The following CACNA1D variants were observed in gnomAD, a reference collection of about 807,000 sequenced individuals.
The protein encoded by CACNA1D is voltage-dependent L-type calcium channel subunit alpha-1D.
CACNA1D carries 55 observed loss-of-function variants against 257.1 expected under a neutral mutation model. That is an observed-to-expected ratio of 0.21 (90% CI 0.17 to 0.27). The LOEUF is 0.27. Among genes scored for constraint, CACNA1D ranks in the 10% least tolerant of loss-of-function variants. CACNA1D has a pLI of 1.00. For synonymous variants in CACNA1D, 980 were observed against 1,014.9 expected (o/e 0.97, Z 0.65); for missense variants, 1,876 against 2,784.0 (o/e 0.67, Z 7.34).
chr3:53,590,590 T>C (rs182868742), intron 3 of CACNA1D, among the ~76,000 whole-genome samples: 6 of 152,368 alleles, frequency 3.9e-5, no homozygotes, highest in African/African-American at 1.2e-4. Context: ...GTCCTAGTTT[T>C]TGGTTCACAA....
At position 53,655,548 on chromosome 3, in the gene CACNA1D, C is replaced by T. The variant is rs971572262; in HGVS notation, c.624-4585C>T. Among the ~76,000 whole-genome samples, 4 of 152,224 alleles carry T rather than the reference C, an allele frequency of 2.6e-5. No homozygotes were observed. The East Asian group carries it at 7.7e-4, about 29-fold the overall frequency. ...AATGGTATCTCGTGGTTTTGATTTG[C>T]ACTTCTCTAACGATCAGTAATATGA... On this transcript the variant is annotated intron_variant, in intron 4 of 47. Coordinates refer to ENST00000350061, the MANE Select transcript of CACNA1D (RefSeq NM_001128840.3).
At chr3:53,531,172 A>T (rs761934001) in intron 3 of CACNA1D, among the ~76,000 whole-genome samples, 9 of 152,056 alleles carry the variant, frequency 5.9e-5, no homozygotes, top group Non-Finnish European at 2.9e-5. Flanking sequence ...TTTTGTAGAC[A>T]TATCAAGTCT....
intron 8 of CACNA1D, among the ~76,000 whole-genome samples, chr3:53,688,220 C>G (rs896136617): frequency 1.3e-5 from 2 of 152,226 alleles, no homozygotes; most frequent in African/African-American, 2.4e-5. Flanking sequence ...GAGGTCCGCC[C>G]AGCTGGGGTG....
rs773683728 is a variant in CACNA1D at position 53,802,143 on chromosome 3, A to G, written c.5409-4A>G. On this transcript the variant is annotated splice_polypyrimidine_tract_variant and splice_region_variant and intron_variant, in intron 42 of 47. Coordinates refer to ENST00000350061, the MANE Select transcript of CACNA1D (RefSeq NM_001128840.3). ...CCTTCCCATGTTATGCCTTTCCTGG[A>G]TAGAACCCGCTATTATGAAACTTAC... 18 of 1,607,072 alleles carry G rather than the reference A, an allele frequency of 1.1e-5. No individual in the cohort carries two copies. The Admixed American group carries it at 3.0e-4, about 27-fold the overall frequency.
At position 53,723,424 on chromosome 3, in the gene CACNA1D, G is replaced by C; in HGVS notation, c.1667-10G>C. The C allele has an allele frequency of 6.2e-7, 1 of 1,611,522 alleles. No homozygotes were observed. Among genetic ancestry groups the C allele is most frequent in the Non-Finnish European group, 8.5e-7 (1 of 1,177,592 alleles). On this transcript the variant is annotated splice_polypyrimidine_tract_variant and intron_variant, in intron 12 of 47. Transcript: ENST00000350061. The surrounding 1 kb of genome is among the most constrained non-coding windows in gnomAD (Gnocchi z 5.6). ...AGACCCTGAGGATGGGTGCCCCTTT[G>C]TCTTTCCAGATATTGCCAACAAAGT...
At chr3:53,573,538 C>T (rs890582265) in intron 3 of CACNA1D, among the ~76,000 whole-genome samples, 2 of 152,172 alleles carry the variant, frequency 1.3e-5, no homozygotes, top group Admixed American at 6.5e-5. Context: ...TGCACCTGCC[C>T]CTGACACTCC....
chr3:53,600,388 G>A (rs2093426400), intron 3 of CACNA1D, among the ~76,000 whole-genome samples: 1 of 152,122 alleles, frequency 6.6e-6, no homozygotes, highest in Non-Finnish European at 1.5e-5. Flanking sequence ...TGGTATTTGG[G>A]CTGTCATTAG....
intron 37 of CACNA1D, among the ~76,000 whole-genome samples, chr3:53,778,004 C>T (rs952688808): frequency 6.6e-5 from 10 of 152,192 alleles, no homozygotes; most frequent in Admixed American, 6.5e-4. Flanking sequence ...TTTTACCACT[C>T]CAGGATGCTG....
chr3:53,547,482 T>G (rs1326081054), intron 3 of CACNA1D, among the ~76,000 whole-genome samples: 1 of 152,262 alleles, frequency 6.6e-6, no homozygotes, highest in Non-Finnish European at 1.5e-5. Flanking sequence ...TCCCCTCATC[T>G]TGGGCTTTGT....
intron 10 of CACNA1D, among the ~76,000 whole-genome samples, chr3:53,719,191 AG>A (rs1394968502): frequency 6.6e-6 from 1 of 152,210 alleles, no homozygotes; most frequent in Admixed American, 6.5e-5. Context: ...CTCTTGGCAG[AG>A]TTTCATAAAA....
chr3:53,670,967 G>C (rs2094317474), intron 7 of CACNA1D, among the ~76,000 whole-genome samples: 1 of 152,300 alleles, frequency 6.6e-6, no homozygotes, highest in South Asian at 2.1e-4. Context: ...ACCGTTCTCA[G>C]AGCCGAAGCT....
At chr3:53,603,374 C>A (rs1013781183) in intron 3 of CACNA1D, among the ~76,000 whole-genome samples, 31 of 152,168 alleles carry the variant, frequency 2.0e-4, no homozygotes, top group African/African-American at 6.5e-4. Flanking sequence ...TTACCTTGGG[C>A]AAGTTTTGTA....
intron 3 of CACNA1D, among the ~76,000 whole-genome samples, chr3:53,540,404 G>A (rs2092266388): frequency 6.6e-6 from 1 of 151,976 alleles, no homozygotes; most frequent in African/African-American, 2.4e-5. Context: ...GGGATTACAG[G>A]CGTGAGCCAC....
chr3:53,540,292 T>G (rs2092263086), intron 3 of CACNA1D, among the ~76,000 whole-genome samples: 1 of 151,610 alleles, frequency 6.6e-6, no homozygotes, highest in East Asian at 1.9e-4. Context: ...CTAATTTTTT[T>G]TTTTTTTTCT....
At chr3:53,646,481 T>G (rs1274277172) in intron 3 of CACNA1D, among the ~76,000 whole-genome samples, 7 of 152,204 alleles carry the variant, frequency 4.6e-5, no homozygotes, top group Admixed American at 2.0e-4. Flanking sequence ...TTCCTTTCGG[T>G]TTTTTTCTTC....
chr3:53,730,333 G>C (rs1015582737), intron 15 of CACNA1D, 109 bp from the exon 16 acceptor site: 1 of 752,118 alleles, frequency 1.3e-6, no homozygotes, highest in Non-Finnish European at 2.4e-6. Context: ...CACTTGGGAC[G>C]GTCACTTACT....
chr3:53,518,651 T>G (rs1246225857), intron 3 of CACNA1D, among the ~76,000 whole-genome samples: 1 of 152,236 alleles, frequency 6.6e-6, no homozygotes, highest in Non-Finnish European at 1.5e-5. Flanking sequence ...CCTTTGCTTC[T>G]GGCTAAAAAT....
chr3:53,569,173 A>G (rs1197185475), intron 3 of CACNA1D, among the ~76,000 whole-genome samples: 1 of 151,980 alleles, frequency 6.6e-6, no homozygotes, highest in Non-Finnish European at 1.5e-5. Flanking sequence ...TCCTATTTCT[A>G]TCAGCACTCG....
At chr3:53,526,612 A>T (rs1010708529) in intron 3 of CACNA1D, among the ~76,000 whole-genome samples, 1 of 152,324 alleles carries the variant, frequency 6.6e-6, no homozygotes, top group Admixed American at 6.5e-5. Context: ...AGCTGGTGCA[A>T]TGGCACGCCC....
Sources: allele counts gnomAD v4.1 joint callset (sites outside exome capture counted in the v4.1 genomes callset), GRCh38; gene constraint gnomAD v4.1.1; non-coding constraint Gnocchi (gnomAD v3.1); transcripts MANE v1.5; gene names NCBI Gene and HGNC (gene_info 2026-07-23, HGNC 2026-07-21).